Variants in RIC8B observed in about 807,000 individuals in gnomAD.
RIC8B encodes chaperone Ric-8B.
A neutral mutation model predicts 57.5 loss-of-function variants in RIC8B; 16 were observed. The ratio of observed to expected loss-of-function variants is 0.28; its 90% CI spans 0.19 to 0.42. RIC8B has a LOEUF of 0.42. RIC8B is among the 10% of genes least tolerant of loss of function. RIC8B has a pLI of 1.00. For synonymous variants in RIC8B, 216 were observed against 250.8 expected, an observed-to-expected ratio of 0.86 and a Z score of 1.31; for missense variants, 481 against 677.0, an observed-to-expected ratio of 0.71 and a Z score of 3.21.
intron 1 of RIC8B, among the ~76,000 whole-genome samples, chr12:106,776,173 C>G (rs141532889): frequency 1.4e-4 from 21 of 152,310 alleles, no homozygotes; most frequent in South Asian, 2.1e-4. Context: ...CCAGCGAGCG[C>G]TCTTTCTGCC....
intron 1 of RIC8B, among the ~76,000 whole-genome samples, chr12:106,776,463 A>G (rs1245355260): frequency 1.3e-5 from 2 of 152,216 alleles, no homozygotes; most frequent in African/African-American, 4.8e-5. Context: ...AGCACTTACT[A>G]TATGCCAGAT....
chr12:106,837,639 G>GTTTTTTT (rs375634080), intron 4 of RIC8B, among the ~76,000 whole-genome samples: 6 of 115,324 alleles, frequency 5.2e-5, no homozygotes, highest in Non-Finnish European at 5.3e-5. Context: ...AAAATCTTTT[G>GTTTTTTT]TTTTTTTTTT....
At chr12:106,872,539 A>C (rs2136609929) in intron 9 of RIC8B, among the ~76,000 whole-genome samples, 1 of 152,146 alleles carries the variant, frequency 6.6e-6, no homozygotes, top group East Asian at 1.9e-4. Flanking sequence ...GTGGTGGCAC[A>C]TGCCTGTAAT....
At chr12:106,795,497 T>C (rs893488066) in intron 2 of RIC8B, among the ~76,000 whole-genome samples, 1 of 152,252 alleles carries the variant, frequency 6.6e-6, no homozygotes, top group South Asian at 2.1e-4. Flanking sequence ...CTGATTTACA[T>C]AGGGCTCACA....
intron 6 of RIC8B, among the ~76,000 whole-genome samples, chr12:106,847,996 T>C (rs1041852450): frequency 2.0e-5 from 3 of 152,154 alleles, no homozygotes; most frequent in Non-Finnish European, 4.4e-5. Context: ...CAGATAATTA[T>C]ATACTACGTC....
At chr12:106,855,499 GA>G (rs1277977136) in intron 7 of RIC8B, among the ~76,000 whole-genome samples, 1 of 152,090 alleles carries the variant, frequency 6.6e-6, no homozygotes, top group Non-Finnish European at 1.5e-5. Context: ...AAATACCACT[GA>G]AAATGCTCTC....
rs764177793 is a variant in RIC8B, at chr12:106,843,963, A to G, written c.1161+16A>G. On this transcript the variant is annotated intron_variant, in intron 6 of 9. Coordinates refer to ENST00000392837, the MANE Select transcript of RIC8B (RefSeq NM_001330145.2). ...CAAAGATCAGGTAACTGCTTAATGC[A>G]TATTACATTGCAAAGTTAGTCTTTT... is the stretch of plus-strand genomic sequence containing the variant. 24 of 1,528,040 alleles carry G rather than the reference A, an allele frequency of 1.6e-5. No homozygotes were observed. Among genetic ancestry groups the G allele is most frequent in the Non-Finnish European group, 2.2e-5 (24 of 1,103,346 alleles). 94.7% of individuals were successfully genotyped at this position (1,528,040 alleles called of 1,614,324 possible). A position where few individuals can be genotyped will look rare whatever the true frequency, so the allele number is the denominator to read the frequency against.
In RIC8B at chr12:106,885,884, TC is replaced by T; in HGVS notation, c.1572-19del. ...GCTGGTGAATACTTTTTTTTCTCTC[TC>T]TTTTATCTCTTTTTCTAGAGAGGAG... On this transcript the variant is annotated intron_variant, in intron 9 of 9. Coordinates refer to ENST00000392837, the MANE Select transcript of RIC8B (RefSeq NM_001330145.2). 2 of 1,523,270 alleles carry T rather than the reference TC, an allele frequency of 1.3e-6. No individual in the cohort carries two copies. Among genetic ancestry groups the T allele is most frequent in the Non-Finnish European group, 1.8e-6 (2 of 1,098,358 alleles). 94.4% of individuals were successfully genotyped at this position (1,523,270 alleles called of 1,614,324 possible).
chr12:106,817,647 G>A (rs941324371), intron 3 of RIC8B, among the ~76,000 whole-genome samples: 4 of 151,576 alleles, frequency 2.6e-5, no homozygotes, highest in East Asian at 1.9e-4. Flanking sequence ...GTGAAACCCC[G>A]TCTCTACTAA....
chr12:106,807,734 T>G (rs2045109364), intron 2 of RIC8B, among the ~76,000 whole-genome samples: 1 of 151,910 alleles, frequency 6.6e-6, no homozygotes, highest in Non-Finnish European at 1.5e-5. Context: ...AATTAAACTG[T>G]TAGATGAGCC....
In RIC8B at chr12:106,791,799, T is replaced by C. The variant is rs139570664; in HGVS notation, c.132+7755T>C. The stretch of plus-strand genomic sequence containing the variant: ...GCCATTGTGGACTATAGAAAATGAA[T>C]GGGTAAATTTCTATATTAGATTCCC... On this transcript the variant is annotated intron_variant, in intron 2 of 9. Coordinates refer to ENST00000392837, the MANE Select transcript of RIC8B (RefSeq NM_001330145.2). Among the ~76,000 whole-genome samples, 542 of 152,320 alleles carry C rather than the reference T, an allele frequency of 3.6e-3. 4 individuals carry two copies. The highest frequency in any genetic ancestry group is 0.013 in the African/African-American group (523 of 41,572).
intron 2 of RIC8B, among the ~76,000 whole-genome samples, chr12:106,797,007 A>G (rs999765782): frequency 2.0e-5 from 3 of 152,234 alleles, no homozygotes; most frequent in African/African-American, 7.2e-5. Context: ...AAAACAAAAA[A>G]GATAACAAGT....
intron 7 of RIC8B, among the ~76,000 whole-genome samples, chr12:106,855,246 G>T (rs1949670507): frequency 6.6e-6 from 1 of 152,158 alleles, no homozygotes; most frequent in Non-Finnish European, 1.5e-5. Flanking sequence ...AGAGGAATAG[G>T]TTGTCTCTTT....
chr12:106,838,895 A>G (rs1157081773), intron 4 of RIC8B, among the ~76,000 whole-genome samples: 5 of 152,100 alleles, frequency 3.3e-5, no homozygotes, highest in African/African-American at 9.7e-5. Flanking sequence ...AAGACATGCA[A>G]ACAGACAACA....
rs76303559 is a variant in RIC8B at position 106,811,738 on chromosome 12, G to A, written c.133-2958G>A. On this transcript the variant is annotated intron_variant, in intron 2 of 9. Transcript: ENST00000392837. ...ACAACAGTAGGAAAGGGGAAATTGG[G>A]CCCATTTCAGCAGCATTCTGTGGGC... Among the ~76,000 whole-genome samples the A allele has an allele frequency of 3.6e-3, 555 of 152,250 alleles. 2 individuals are homozygous for A. Among genetic ancestry groups the A allele is most frequent in the African/African-American group, 0.013 (531 of 41,534 alleles).
In RIC8B at chr12:106,866,963, C is replaced by T. The variant is rs550009128; in HGVS notation, c.1452-3860C>T. The stretch of plus-strand genomic sequence containing the variant: ...CTTTGGTTTGACAGATTATCCTATT[C>T]ACTTATGTTACCTGTCCAACTCCTG... On this transcript the variant is annotated intron_variant, in intron 8 of 9. Coordinates refer to ENST00000392837, the MANE Select transcript of RIC8B (RefSeq NM_001330145.2). Among the ~76,000 whole-genome samples the T allele has an allele frequency of 2.4e-4, 36 of 152,306 alleles. 1 individual carries two copies. In the East Asian group the frequency reaches 6.2e-3, roughly 26 times the overall value.
At chr12:106,797,136 A>T (rs2044520652) in intron 2 of RIC8B, among the ~76,000 whole-genome samples, 1 of 152,150 alleles carries the variant, frequency 6.6e-6, no homozygotes, top group South Asian at 2.1e-4. Flanking sequence ...TTACCATATG[A>T]CCCAGCAGTT....
chr12:106,854,816 G>A (rs1387903499), intron 7 of RIC8B, among the ~76,000 whole-genome samples: 1 of 151,976 alleles, frequency 6.6e-6, no homozygotes, highest in African/African-American at 2.4e-5. Context: ...AGGTAAGAGA[G>A]AAAGGACAAA....
chr12:106,862,240 T>G (rs894645742), intron 8 of RIC8B, among the ~76,000 whole-genome samples: 61 of 152,104 alleles, frequency 4.0e-4, no homozygotes, highest in Non-Finnish European at 5.9e-4. Flanking sequence ...TGTGAAATTT[T>G]GTTGTATTTC....
Sources: allele counts gnomAD v4.1 joint callset (sites outside exome capture counted in the v4.1 genomes callset), GRCh38; gene constraint gnomAD v4.1.1; transcripts MANE v1.5; gene names NCBI Gene and HGNC (gene_info 2026-07-23, HGNC 2026-07-21).